Variants in SENP7 observed in about 807,000 individuals in gnomAD.
SENP7 encodes SUMO specific peptidase 7.
In SENP7, 64 loss-of-function variants were observed where a neutral mutation model predicts 141.2. The observed-to-expected ratio is 0.45, with a 90% CI of 0.37 to 0.56. SENP7 has a LOEUF of 0.56. Ranked by LOEUF, SENP7 falls within the 20% of genes least tolerant of loss-of-function variation. The pLI, the probability that SENP7 is intolerant of heterozygous loss-of-function variation, is 0.00. For missense variants in SENP7, 1,025 were observed against 1,212.2 expected, an observed-to-expected ratio of 0.85 and a Z score of 2.29; for synonymous variants, 382 against 426.4, an observed-to-expected ratio of 0.90 and a Z score of 1.28.
At chr3:101,375,696 T>C (rs1192569532) in intron 6 of SENP7, among the ~76,000 whole-genome samples, 2 of 151,710 alleles carry the variant, frequency 1.3e-5, no homozygotes, top group East Asian at 3.9e-4. Context: ...CTATTCACAA[T>C]AGCCAAAAGG....
At chr3:101,433,068 A>G (rs1429244695) in intron 4 of SENP7, among the ~76,000 whole-genome samples, 5 of 152,230 alleles carry the variant, frequency 3.3e-5, no homozygotes, top group Non-Finnish European at 1.5e-5. Context: ...AAGACAGTCA[A>G]TACAATAAAG....
At position 101,357,154 on chromosome 3, in the gene SENP7, C is replaced by T. The variant is rs766018251; in HGVS notation, c.1623+4561G>A. 299 of 182,106 alleles carry T rather than the reference C, an allele frequency of 1.6e-3. 3 individuals carry two copies. The highest frequency in any genetic ancestry group is 2.8e-3 in the Non-Finnish European group (245 of 86,706). 11.3% of individuals were successfully genotyped at this position (182,106 alleles called of 1,614,324 possible). A position where few individuals can be genotyped will look rare whatever the true frequency, so the allele number is the denominator to read the frequency against. On this transcript the variant is annotated intron_variant, in intron 11 of 23. Transcript: ENST00000394095. ...TAGGTGGGACAACAGGCATGCCCCA[C>T]CATGCCCAGTCAATTTTTGCATTCT...
chr3:101,480,666 T>G (rs952139717), intron 3 of SENP7, among the ~76,000 whole-genome samples: 1 of 151,884 alleles, frequency 6.6e-6, no homozygotes, highest in Non-Finnish European at 1.5e-5. Context: ...TCTGTACGGC[T>G]AAGGAAACAA....
At chr3:101,350,159 C>A (rs576096039) in intron 12 of SENP7, among the ~76,000 whole-genome samples, 22 of 152,228 alleles carry the variant, frequency 1.4e-4, no homozygotes, top group Middle Eastern at 3.4e-3. Context: ...GCAAGTCATA[C>A]GTCAGGAATG....
In SENP7 at chr3:101,361,858, A is replaced by G; in HGVS notation, c.1480T>C (p.Ser494Pro). ...GGATTATATGGGCATAATTCAGATG[A>G]CATCTAACAAGGAATAAATCATAAA... ...PLITCESVQM[S>P]SELCPYNPVM... is the part of the protein sequence containing the mutation. Residue 494 changes from serine (S) to proline (P), a missense_variant, in exon 11 of 24, where the codon TCA (serine) becomes CCA (proline). By Grantham distance (74) the Ser-to-Pro change is moderately conservative. Around this residue, in one of 4 missense-constraint regions of SENP7, gnomAD observed 228 missense variants for 228.5 expected, o/e 1.00. Coordinates refer to ENST00000394095, the MANE Select transcript of SENP7 (RefSeq NM_020654.5). 1 of 1,591,300 alleles carries G rather than the reference A, an allele frequency of 6.3e-7. No homozygotes were observed. Among genetic ancestry groups the G allele is most frequent in the Non-Finnish European group, 8.5e-7 (1 of 1,173,456 alleles).
At chr3:101,346,380 C>T (rs1433039689) in intron 13 of SENP7, among the ~76,000 whole-genome samples, 2 of 152,200 alleles carry the variant, frequency 1.3e-5, no homozygotes, top group African/African-American at 4.8e-5. Context: ...AGTAGAACTA[C>T]CATTTGATCC....
intron 4 of SENP7, among the ~76,000 whole-genome samples, chr3:101,446,385 T>C (rs1362394794): frequency 2.0e-5 from 3 of 152,176 alleles, no homozygotes; most frequent in Non-Finnish European, 2.9e-5. Context: ...ACAGAAAACA[T>C]CAGGTTTAAT....
chr3:101,473,933 T>C (rs1383351036), intron 3 of SENP7, among the ~76,000 whole-genome samples: 1 of 152,224 alleles, frequency 6.6e-6, no homozygotes, highest in Non-Finnish European at 1.5e-5. Context: ...AGGGGTCTAG[T>C]TTTAATTTTC....
chr3:101,429,075 G>A (rs1437877821), intron 4 of SENP7, among the ~76,000 whole-genome samples: 2 of 152,200 alleles, frequency 1.3e-5, no homozygotes, highest in Non-Finnish European at 2.9e-5. Context: ...CCAGTACCAT[G>A]CTGTTTTGGT....
At chr3:101,357,981 A>G (rs1359361750) in intron 11 of SENP7, 5 of 629,960 alleles carry the variant, frequency 7.9e-6, no homozygotes, top group Non-Finnish European at 1.3e-5. Context: ...CTTTTTTCAC[A>G]TAAGAAAATT....
chr3:101,476,568 T>A (rs1157277190), intron 3 of SENP7, among the ~76,000 whole-genome samples: 1 of 152,224 alleles, frequency 6.6e-6, no homozygotes, highest in Non-Finnish European at 1.5e-5. Context: ...TACATGTGCA[T>A]GTATCTTTAT....
chr3:101,457,316 A>T, intron 4 of SENP7: 1 of 1,434,072 alleles, frequency 7.0e-7, no homozygotes, highest in Non-Finnish European at 9.7e-7. Flanking sequence ...CATCCTCCCC[A>T]GTAGCAAGTG....
At chr3:101,368,668 A>C (rs2107410743) in intron 7 of SENP7, among the ~76,000 whole-genome samples, 1 of 152,072 alleles carries the variant, frequency 6.6e-6, no homozygotes, top group Middle Eastern at 3.4e-3. Flanking sequence ...CCAACATGGC[A>C]CATGTATACA....
intron 3 of SENP7, among the ~76,000 whole-genome samples, chr3:101,466,096 A>T (rs1305249027): frequency 2.0e-5 from 3 of 152,184 alleles, no homozygotes; most frequent in Non-Finnish European, 4.4e-5. Context: ...AGTAAAAAAC[A>T]ACTTTAAAAA....
chr3:101,512,571 G>C (rs770276966), intron 1 of SENP7, among the ~76,000 whole-genome samples: 8 of 152,202 alleles, frequency 5.3e-5, no homozygotes, highest in Non-Finnish European at 1.0e-4. Flanking sequence ...TCAGCAGAAC[G>C]AGACCCGGAG....
chr3:101,507,932 C>T (rs2065689340), intron 1 of SENP7, among the ~76,000 whole-genome samples: 2 of 150,684 alleles, frequency 1.3e-5, no homozygotes, highest in Non-Finnish European at 2.9e-5. Context: ...ACCTGTAGTC[C>T]TAGCTACTCA....
At chr3:101,333,898 A>G (rs1009724215) in intron 17 of SENP7, among the ~76,000 whole-genome samples, 2 of 152,088 alleles carry the variant, frequency 1.3e-5, no homozygotes, top group Non-Finnish European at 2.9e-5. Flanking sequence ...GTGGAAGACA[A>G]TTTTTCCAGG....
chr3:101,449,605 T>C (rs1311888487), intron 4 of SENP7, among the ~76,000 whole-genome samples: 1 of 152,174 alleles, frequency 6.6e-6, no homozygotes, highest in Admixed American at 6.5e-5. Context: ...CAGAATTTCA[T>C]ATCCAGCCAA....
At chr3:101,399,583 C>G (rs1199309784) in intron 5 of SENP7, among the ~76,000 whole-genome samples, 1 of 152,152 alleles carries the variant, frequency 6.6e-6, no homozygotes, top group Non-Finnish European at 1.5e-5. Flanking sequence ...AACATATATG[C>G]TAATATGTAA....
Sources: gnomAD v4.1 joint callset for allele counts (sites outside exome capture counted in the v4.1 genomes callset) on GRCh38, gnomAD v4.1.1 for gene constraint, gnomAD v4.1.1 regional missense constraint, MANE v1.5 for transcripts, NCBI Gene and HGNC (gene_info 2026-07-23, HGNC 2026-07-21) for gene names.